TENM2: variants seen among roughly 807,000 people sequenced by gnomAD.
TENM2 encodes teneurin-2.
A neutral mutation model predicts 245.2 loss-of-function variants in TENM2; 52 were observed. The observed-to-expected ratio is 0.21, with a 90% CI of 0.17 to 0.27. The LOEUF (loss-of-function observed/expected upper bound fraction) is 0.27. Among genes scored for constraint, TENM2 ranks in the 10% least tolerant of loss-of-function variants. The pLI is 1.00. For synonymous variants in TENM2, 1,363 were observed against 1,438.9 expected (o/e 0.95, Z 1.19); for missense variants, 3,046 against 3,666.8 (o/e 0.83, Z 4.37).
At chr5:168,256,422 G>T (rs907052067) in intron 27 of TENM2, among the ~76,000 whole-genome samples, 14 of 135,274 alleles carry the variant, frequency 1.0e-4, no homozygotes, top group African/African-American at 3.1e-4. Flanking sequence ...TTTCAAACTT[G>T]TATTCTTTTT....
chr5:167,715,624 C>T (rs935157642), intron 2 of TENM2, among the ~76,000 whole-genome samples: 1 of 152,150 alleles, frequency 6.6e-6, no homozygotes, highest in Non-Finnish European at 1.5e-5. Flanking sequence ...AAGACTAAGC[C>T]AATTTAATTG....
chr5:167,879,447 T>G (rs1393383283), intron 3 of TENM2, among the ~76,000 whole-genome samples: 2 of 152,164 alleles, frequency 1.3e-5, no homozygotes, highest in Non-Finnish European at 2.9e-5. Flanking sequence ...ATATGTTTCT[T>G]GTATACAGAA....
At chr5:167,992,916 A>G (rs926448116) in intron 4 of TENM2, 28 bp from the exon 7 acceptor site, 4 of 1,584,584 alleles carry the variant, frequency 2.5e-6, no homozygotes, top group East Asian at 2.2e-5. Flanking sequence ...ACCCATGACC[A>G]CTCTGACTCT....
intron 2 of TENM2, among the ~76,000 whole-genome samples, chr5:167,738,599 G>T (rs1438079411): frequency 6.6e-6 from 1 of 151,958 alleles, no homozygotes; most frequent in Admixed American, 6.6e-5. Flanking sequence ...ATTTTTCTAG[G>T]GATACCATAA....
At chr5:167,461,794 G>T (rs1056864409) in intron 2 of TENM2, among the ~76,000 whole-genome samples, 1 of 152,054 alleles carries the variant, frequency 6.6e-6, no homozygotes, top group Non-Finnish European at 1.5e-5. Flanking sequence ...ACTATTTCTG[G>T]TAACATGATT....
At chr5:168,148,398 G>T (rs1272987434) in intron 12 of TENM2, among the ~76,000 whole-genome samples, 1 of 152,222 alleles carries the variant, frequency 6.6e-6, no homozygotes, top group Non-Finnish European at 1.5e-5. Flanking sequence ...AGAAACAGAA[G>T]TCTCTTATTT....
intron 12 of TENM2, among the ~76,000 whole-genome samples, chr5:168,155,438 A>C (rs1757072829): frequency 6.6e-6 from 1 of 151,992 alleles, no homozygotes; most frequent in Admixed American, 6.6e-5. Context: ...TAATATTCAA[A>C]AGCACAATTC....
At chr5:168,120,792 C>T (rs1293112224) in intron 10 of TENM2, among the ~76,000 whole-genome samples, 3 of 152,184 alleles carry the variant, frequency 2.0e-5, no homozygotes, top group Non-Finnish European at 4.4e-5. Context: ...TTCTGATATT[C>T]GTCATAGTCA....
At chr5:167,324,203 A>G (rs2127776938) in intron 1 of TENM2, among the ~76,000 whole-genome samples, 1 of 152,348 alleles carries the variant, frequency 6.6e-6, no homozygotes, top group East Asian at 1.9e-4. Flanking sequence ...GACAACCATT[A>G]TAGAAGGCCA....
At chr5:167,314,756 A>G (rs1394074346) in intron 1 of TENM2, among the ~76,000 whole-genome samples, 1 of 152,116 alleles carries the variant, frequency 6.6e-6, no homozygotes, top group Non-Finnish European at 1.5e-5. Flanking sequence ...ATGTATTATT[A>G]TAAAGATATG....
the TENM2 span, among the ~76,000 whole-genome samples, chr5:167,255,194 A>C: frequency 6.6e-6 from 1 of 152,064 alleles, no homozygotes; most frequent in Non-Finnish European, 1.5e-5. Context: ...AGACAAATGA[A>C]GAATCATAAA....
intron 20 of TENM2, 142 bp downstream of exon 22, chr5:168,211,896 T>A: frequency 1.8e-6 from 1 of 552,968 alleles, no homozygotes; most frequent in Non-Finnish European, 3.2e-6. Flanking sequence ...GCTAATTGTG[T>A]GTTGTGGATA....
At chr5:167,788,057 G>A (rs1764702303) in intron 2 of TENM2, among the ~76,000 whole-genome samples, 1 of 152,142 alleles carries the variant, frequency 6.6e-6, no homozygotes, top group Admixed American at 6.5e-5. Flanking sequence ...GGTGGCCCAA[G>A]GAATTTTCTG....
chr5:167,846,951 A>G (rs1030430796), intron 2 of TENM2, among the ~76,000 whole-genome samples: 3 of 27,856 alleles, frequency 1.1e-4, no homozygotes, highest in African/African-American at 1.5e-4. Flanking sequence ...AGTCATTTCA[A>G]TTGATTGATT....
At chr5:167,467,434 T>C (rs1388774376) in intron 2 of TENM2, among the ~76,000 whole-genome samples, 1 of 151,144 alleles carries the variant, frequency 6.6e-6, no homozygotes, top group Non-Finnish European at 1.5e-5. Flanking sequence ...AGCGTGAGAA[T>C]GGACTAATAT....
the TENM2 span, among the ~76,000 whole-genome samples, chr5:167,147,080 T>C: frequency 6.6e-6 from 1 of 152,202 alleles, no homozygotes; most frequent in Admixed American, 6.5e-5. Context: ...GACACACCTT[T>C]TTCCTAAAGC....
intron 2 of TENM2, among the ~76,000 whole-genome samples, chr5:167,841,135 C>T (rs1258160143): frequency 1.3e-5 from 2 of 151,816 alleles, no homozygotes; most frequent in Non-Finnish European, 2.9e-5. Flanking sequence ...CAGCTCACTG[C>T]AACCTCCATC....
chr5:167,422,117 A>G (rs950790839), intron 2 of TENM2, among the ~76,000 whole-genome samples: 9 of 151,906 alleles, frequency 5.9e-5, no homozygotes, highest in African/African-American at 2.2e-4. Flanking sequence ...TGTTTTGTCT[A>G]CCCTCTCCAT....
intron 1 of TENM2, among the ~76,000 whole-genome samples, chr5:167,356,852 T>C (rs1759367834): frequency 1.3e-5 from 2 of 152,204 alleles, no homozygotes; most frequent in African/African-American, 4.8e-5. Flanking sequence ...AAAAAGACAT[T>C]TAAAATTATA....
Sources: gnomAD v4.1 joint callset for allele counts (sites outside exome capture counted in the v4.1 genomes callset) on GRCh38, gnomAD v4.1.1 for gene constraint, MANE v1.5 for transcripts, NCBI Gene and HGNC (gene_info 2026-07-23, HGNC 2026-07-21) for gene names.